Variants in CCPG1 observed in about 807,000 individuals in gnomAD.
CCPG1 encodes cell cycle progression protein 1.
A neutral mutation model predicts 81.3 loss-of-function variants in CCPG1; 46 were observed. The observed-to-expected ratio is 0.57, with a 90% confidence interval of 0.45 to 0.72. CCPG1 has a LOEUF of 0.72. Ranked by LOEUF, CCPG1 falls within the 30% of genes least tolerant of loss-of-function variation. The pLI is 0.00. For missense variants in CCPG1, 902 were observed against 937.6 expected, an observed-to-expected ratio of 0.96 and a Z score of 0.50; for synonymous variants, 330 against 305.2, an observed-to-expected ratio of 1.08 and a Z score of -0.85.
chr15:55,395,539 C>T (rs1334511572), intron 1 of CCPG1, among the ~76,000 whole-genome samples: 1 of 152,104 alleles, frequency 6.6e-6, no homozygotes, highest in Non-Finnish European at 1.5e-5. Context: ...CAGTTCCCCT[C>T]AAAATGCTTG....
intron 5 of CCPG1, among the ~76,000 whole-genome samples, chr15:55,374,479 A>C (rs2056519029): frequency 6.6e-6 from 1 of 152,190 alleles, no homozygotes. Context: ...CAGTGTTCTT[A>C]ACCCAACAAA....
chr15:55,356,572 CTG>C, intron 8 of CCPG1, 163 bp from the exon 9 acceptor site: 1 of 1,237,486 alleles, frequency 8.1e-7, no homozygotes. Context: ...ATAAAGGAGT[CTG>C]TATTAGTTTT....
chr15:55,381,976 T>C (rs755090950), intron 3 of CCPG1, among the ~76,000 whole-genome samples: 13 of 152,352 alleles, frequency 8.5e-5, no homozygotes, highest in Non-Finnish European at 1.6e-4. Flanking sequence ...CTATTAAGTG[T>C]GCAATAACAT....
intron 1 of CCPG1, among the ~76,000 whole-genome samples, chr15:55,402,010 T>G (rs1269756883): frequency 6.6e-6 from 1 of 152,210 alleles, no homozygotes; most frequent in Non-Finnish European, 1.5e-5. Flanking sequence ...ATTTCTGTAT[T>G]TAAAGCTGTC....
chr15:55,397,039 A>G (rs1333043436), intron 1 of CCPG1, among the ~76,000 whole-genome samples: 2 of 152,076 alleles, frequency 1.3e-5, no homozygotes, highest in East Asian at 3.9e-4. Flanking sequence ...GTCTCTACAA[A>G]AAAACACAAA....
intron 5 of CCPG1, 115 bp downstream of exon 5, chr15:55,376,834 G>C (rs757101691): frequency 8.3e-6 from 6 of 725,860 alleles, no homozygotes; most frequent in Non-Finnish European, 1.4e-5. Flanking sequence ...GTCTTGTCTT[G>C]AGTTTTACCC....
chr15:55,397,418 A>T (rs967569614), intron 1 of CCPG1, among the ~76,000 whole-genome samples: 2 of 144,054 alleles, frequency 1.4e-5, no homozygotes, highest in African/African-American at 5.8e-5. Flanking sequence ...ATTGTGGGGG[A>T]GCAAAGGCAG....
At chr15:55,389,531 C>G in intron 1 of CCPG1, 98 bp from the exon 2 acceptor site, 1 of 806,164 alleles carries the variant, frequency 1.2e-6, no homozygotes, top group Non-Finnish European at 2.1e-6. Context: ...GGTTTACTGT[C>G]TTCCAGGTGA....
intron 4 of CCPG1, 48 bp from the exon 5 acceptor site, chr15:55,377,198 G>A: frequency 7.5e-7 from 1 of 1,331,992 alleles, no homozygotes; most frequent in Non-Finnish European, 1.1e-6. Context: ...ATCATTTAAG[G>A]GTCTTACATT....
intron 8 of CCPG1, chr15:55,359,127 T>G: frequency 1.0e-6 from 1 of 979,418 alleles, no homozygotes; most frequent in Non-Finnish European, 1.2e-6. Flanking sequence ...ATATGAGCTC[T>G]TCTGACTTCA....
In CCPG1 at chr15:55,360,222, A is replaced by T; in HGVS notation, c.1551T>A (p.Ala517=). ...HKEKIKQAKE[A]VKENLKKFSD... is the part of the protein sequence containing the mutation. ...AGAATTTTTTCAGATTTTCCTTCAC[A>T]GCTTCTTTAGCCTGCTTAATTTTCT... Residue 517 remains alanine (A), a synonymous_variant, in exon 8 of 9, where the codon GCT becomes GCA. Coordinates refer to ENST00000442196, the MANE Select transcript of CCPG1 (RefSeq NM_001204450.2). The T allele has an allele frequency of 1.2e-6, 2 of 1,613,682 alleles. No individual in the cohort carries two copies. The highest frequency in any genetic ancestry group is 1.7e-6 in the Non-Finnish European group (2 of 1,179,934).
intron 3 of CCPG1, among the ~76,000 whole-genome samples, chr15:55,380,497 G>T (rs1349801968): frequency 6.6e-6 from 1 of 151,350 alleles, no homozygotes; most frequent in Non-Finnish European, 1.5e-5. Flanking sequence ...GGGTTTCACC[G>T]TGTTAGCCAG....
chr15:55,384,354 A>T lies in CCPG1; in HGVS notation c.175+1246T>A, dbSNP rs934279622. ...CCATAACTGATGTAATAATAATGAA[A>T]AAGTTTGAAATATGACAATTACAGG... On this transcript the variant is annotated intron_variant, in intron 3 of 8. Coordinates refer to ENST00000442196, the MANE Select transcript of CCPG1 (RefSeq NM_001204450.2). Among the ~76,000 whole-genome samples, 4 of 152,188 alleles carry T rather than the reference A, an allele frequency of 2.6e-5. No homozygotes were observed. In the East Asian group the frequency reaches 7.7e-4, roughly 29 times the overall value.
chr15:55,360,110 T>C lies in CCPG1; in HGVS notation c.1663A>G (p.Thr555Ala). Reference protein sequence around the residue: ...DEKGNKRFGATKEAAEKPRTV... With the variant: ...DEKGNKRFGAAKEAAEKPRTV... ...CTTGGTTTTTCAGCTGCTTCTTTTG[T>C]AGCACCAAATCTTTTATTACCCTTT... Residue 555 changes from threonine (T) to alanine (A), a missense_variant, in exon 8 of 9, where the codon ACA (threonine) becomes GCA (alanine). Coordinates refer to ENST00000442196, the MANE Select transcript of CCPG1 (RefSeq NM_001204450.2). 2 of 1,613,986 alleles carry C rather than the reference T, an allele frequency of 1.2e-6. No homozygotes were observed. The highest frequency in any genetic ancestry group is 1.7e-6 in the Non-Finnish European group (2 of 1,179,928).
intron 1 of CCPG1, among the ~76,000 whole-genome samples, chr15:55,407,045 C>CCACCCCG (rs2057245111): frequency 7.5e-6 from 1 of 133,620 alleles, no homozygotes; most frequent in African/African-American, 3.5e-5. Context: ...AGACCCCCCC[C>CCACCCCG]CCCGCCCCGC....
chr15:55,392,337 G>A (rs984588706), intron 1 of CCPG1, among the ~76,000 whole-genome samples: 4 of 150,774 alleles, frequency 2.7e-5, no homozygotes, highest in African/African-American at 9.8e-5. Flanking sequence ...TCAGCCTCCC[G>A]AGTAGCGGGG....
chr15:55,356,542 C>T, intron 8 of CCPG1, 133 bp from the exon 9 acceptor site: 1 of 1,233,934 alleles, frequency 8.1e-7, no homozygotes, highest in South Asian at 2.3e-5. Flanking sequence ...GAATTACAAT[C>T]CTAGTATATC....
intron 5 of CCPG1, chr15:55,372,255 A>C (rs1468425666): frequency 3.4e-6 from 2 of 583,598 alleles, no homozygotes; most frequent in Non-Finnish European, 6.1e-6. Context: ...ATACACAAGA[A>C]TCTGTTAATC....
Position 55,356,254 on chromosome 15 carries a change from T to C in CCPG1, c.2390A>G (p.Glu797Gly). 6.5e-7 allele frequency: 1 copy of C among 1,534,838 alleles called. No individual in the cohort carries two copies. Among genetic ancestry groups the C allele is most frequent in the Non-Finnish European group, 8.7e-7 (1 of 1,146,362 alleles). ...NGRQMANLEI[E>G]LGQLPFDPQY The stretch of plus-strand genomic sequence containing the variant: ...AGGATCAAAAGGTAATTGCCCCAAT[T>C]CTATTTCAAGATTTGCCATTTGTCT... The change falls in exon 9 of 9, where the codon GAA (glutamate) becomes GGA (glycine). Residue 797 changes from glutamate to glycine, a missense_variant. Glu to Gly is a moderately conservative substitution (Grantham distance 98). Coordinates refer to ENST00000442196, the MANE Select transcript of CCPG1 (RefSeq NM_001204450.2).
Sources: allele counts gnomAD v4.1 joint callset (sites outside exome capture counted in the v4.1 genomes callset), GRCh38; gene constraint gnomAD v4.1.1; transcripts MANE v1.5; gene names NCBI Gene and HGNC (gene_info 2026-07-23, HGNC 2026-07-21).